The following ADGRL2 variants were observed in gnomAD, a reference collection of about 807,000 sequenced individuals.
The protein encoded by ADGRL2 is adhesion G protein-coupled receptor L2.
Under a neutral mutation model 157.4 loss-of-function variants are expected in ADGRL2, and 44 were observed. The observed-to-expected ratio is 0.28, with a 90% CI of 0.22 to 0.36. ADGRL2 has a LOEUF of 0.36. Among genes scored for constraint, ADGRL2 ranks in the 10% least tolerant of loss-of-function variants. The pLI is 1.00. For synonymous variants in ADGRL2, 585 were observed against 624.7 expected (o/e 0.94, Z 0.95); for missense variants, 1,510 against 1,768.9 (o/e 0.85, Z 2.63).
intron 2 of ADGRL2, among the ~76,000 whole-genome samples, chr1:81,551,705 G>A (rs2080150411): frequency 6.6e-6 from 1 of 152,054 alleles, no homozygotes; most frequent in Non-Finnish European, 1.5e-5. Context: ...TAAGATCTAG[G>A]TGTGAATGAA....
chr1:81,448,749 C>T (rs140419190), intron 2 of ADGRL2, among the ~76,000 whole-genome samples: 1 of 152,184 alleles, frequency 6.6e-6, no homozygotes, highest in East Asian at 1.9e-4. Flanking sequence ...GGACCCTCCT[C>T]ATATTCCACA....
chr1:81,749,837 G>C (rs1347835750), intron 1 of ADGRL2, among the ~76,000 whole-genome samples: 3 of 152,086 alleles, frequency 2.0e-5, no homozygotes, highest in Non-Finnish European at 2.9e-5. Context: ...CTGACTTCAT[G>C]ACTGGCCCTG....
chr1:81,679,374 G>T lies in ADGRL2; in HGVS notation c.-142-82437G>T, dbSNP rs1248124001. On this transcript the variant is annotated intron_variant, in intron 3 of 24. Transcript: ENST00000370721. Reference sequence around the variant, plus strand: ...TCTCTATATCTTCTTGGCTAATGAGGACAGGTCTTCCAGCTTCTCTGGATG... The same window carrying T: ...TCTCTATATCTTCTTGGCTAATGAGTACAGGTCTTCCAGCTTCTCTGGATG... Among the ~76,000 whole-genome samples the T allele has an allele frequency of 6.0e-5, 9 of 150,546 alleles. No individual in the cohort carries two copies. The Admixed American group carries it at 6.0e-4, about 10-fold the overall frequency.
intron 3 of ADGRL2, among the ~76,000 whole-genome samples, chr1:81,692,635 T>C (rs995286954): frequency 6.6e-6 from 1 of 152,218 alleles, no homozygotes; most frequent in Non-Finnish European, 1.5e-5. Flanking sequence ...ACATCGTAAT[T>C]CTCTAAGTGT....
intron 3 of ADGRL2, among the ~76,000 whole-genome samples, chr1:81,671,792 T>A (rs1557553784): frequency 6.6e-6 from 1 of 152,112 alleles, no homozygotes; most frequent in Non-Finnish European, 1.5e-5. Context: ...GGATTACAGG[T>A]GTGAGCCACC....
At chr1:81,684,234 G>T (rs1204482938) in intron 3 of ADGRL2, among the ~76,000 whole-genome samples, 2 of 152,136 alleles carry the variant, frequency 1.3e-5, no homozygotes, top group East Asian at 3.9e-4. Context: ...GGCTGTACTA[G>T]TTTACATTCC....
At chr1:81,480,711 C>A (rs1376916379) in intron 2 of ADGRL2, among the ~76,000 whole-genome samples, 1 of 152,120 alleles carries the variant, frequency 6.6e-6, no homozygotes, top group African/African-American at 2.4e-5. Flanking sequence ...TTTGAAAACT[C>A]ATTGTATCCT....
At chr1:81,963,378 T>TCCCC (rs1358282868) in intron 11 of ADGRL2, among the ~76,000 whole-genome samples, 1 of 152,030 alleles carries the variant, frequency 6.6e-6, no homozygotes, top group East Asian at 1.9e-4. Flanking sequence ...ATACCTTTTA[T>TCCCC]TTGCTTTTCT....
chr1:81,408,520 T>A (rs1267662153), intron 1 of ADGRL2, among the ~76,000 whole-genome samples: 1 of 152,026 alleles, frequency 6.6e-6, no homozygotes, highest in East Asian at 1.9e-4. Context: ...TAAGATGAGT[T>A]CAACAAGCAG....
At chr1:81,888,354 T>A (rs1456027693) in intron 2 of ADGRL2, among the ~76,000 whole-genome samples, 1 of 152,220 alleles carries the variant, frequency 6.6e-6, no homozygotes, top group South Asian at 2.1e-4. Context: ...TAAATGTATG[T>A]GAAATGTTGA....
chr1:81,459,844 A>G (rs947313779), intron 2 of ADGRL2, among the ~76,000 whole-genome samples: 8 of 151,582 alleles, frequency 5.3e-5, no homozygotes, highest in Non-Finnish European at 1.0e-4. Context: ...ACACACACAC[A>G]TACACACACT....
intron 2 of ADGRL2, among the ~76,000 whole-genome samples, chr1:81,460,204 C>T (rs1442846088): frequency 6.6e-6 from 1 of 151,448 alleles, no homozygotes; most frequent in Non-Finnish European, 1.5e-5. Context: ...AGTTTGATGT[C>T]CTCCCATTTG....
chr1:81,827,132 G>A (rs959082362), intron 1 of ADGRL2, among the ~76,000 whole-genome samples: 15 of 152,256 alleles, frequency 9.9e-5, no homozygotes, highest in Admixed American at 2.0e-4. Flanking sequence ...AGAAATGTTT[G>A]CATTTATTGT....
At chr1:81,905,068 A>G (rs1209998827) in intron 2 of ADGRL2, among the ~76,000 whole-genome samples, 4 of 150,194 alleles carry the variant, frequency 2.7e-5, no homozygotes, top group Admixed American at 2.0e-4. Flanking sequence ...ATTAAAGTGC[A>G]CTGATCTTTC....
intron 1 of ADGRL2, among the ~76,000 whole-genome samples, chr1:81,375,516 C>T (rs1194699283): frequency 6.6e-6 from 1 of 152,150 alleles, no homozygotes; most frequent in Non-Finnish European, 1.5e-5. Flanking sequence ...CAAGTGAACA[C>T]TTGTGTTTGC....
At chr1:81,950,947 T>G in intron 7 of ADGRL2, 71 bp from the exon 8 acceptor site, 1 of 942,080 alleles carries the variant, frequency 1.1e-6, no homozygotes, top group Non-Finnish European at 1.7e-6. Context: ...AGCAGGATCA[T>G]CATAGCTGAT....
intron 2 of ADGRL2, among the ~76,000 whole-genome samples, chr1:81,471,051 A>T (rs2078161856): frequency 6.6e-6 from 1 of 152,148 alleles, no homozygotes; most frequent in South Asian, 2.1e-4. Context: ...GGTGTAAATA[A>T]TATTTTATTT....
intron 2 of ADGRL2, among the ~76,000 whole-genome samples, chr1:81,486,349 C>G (rs2078499987): frequency 6.6e-6 from 1 of 152,026 alleles, no homozygotes; most frequent in African/African-American, 2.4e-5. Flanking sequence ...GCACATTGCC[C>G]ACTGCTTGGA....
intron 1 of ADGRL2, among the ~76,000 whole-genome samples, chr1:81,702,212 G>A (rs528709634): frequency 1.3e-5 from 2 of 152,300 alleles, no homozygotes; most frequent in African/African-American, 4.8e-5. Flanking sequence ...AACACAACAT[G>A]TAGGTGGATA....
Sources: gnomAD v4.1 joint callset for allele counts (sites outside exome capture counted in the v4.1 genomes callset) on GRCh38, gnomAD v4.1.1 for gene constraint, MANE v1.5 for transcripts, NCBI Gene and HGNC (gene_info 2026-07-23, HGNC 2026-07-21) for gene names.